ZEB2: variants seen among roughly 807,000 people sequenced by gnomAD.
ZEB2 encodes the protein zinc finger E-box binding homeobox 2.
ZEB2 carries 6 observed loss-of-function variants against 99.9 expected under a neutral mutation model. That is an observed-to-expected ratio of 0.06 (90% CI 0.03 to 0.12). The LOEUF is 0.12. Among genes scored for constraint, ZEB2 ranks in the 10% least tolerant of loss-of-function variants. The pLI is 1.00. For synonymous variants in ZEB2, 517 were observed against 542.5 expected (o/e 0.95, Z 0.65); for missense variants, 969 against 1,502.8 (o/e 0.64, Z 5.87).
At chr2:144,434,312 AATCC>A (rs1468362710) in intron 2 of ZEB2, among the ~76,000 whole-genome samples, 3 of 152,190 alleles carry the variant, frequency 2.0e-5, no homozygotes, top group Non-Finnish European at 2.9e-5. Context: ...CAATGTGGCA[AATCC>A]AGAAGATAGA....
intron 2 of ZEB2, chr2:144,503,605 G>C (rs1211144409): frequency 6.6e-6 from 1 of 152,028 alleles, no homozygotes; most frequent in Non-Finnish European, 1.5e-5. Flanking sequence ...GAAGAGACGG[G>C]GAAGGATGAC....
At chr2:144,477,579 C>A (rs541683324) in intron 2 of ZEB2, among the ~76,000 whole-genome samples, 6 of 152,350 alleles carry the variant, frequency 3.9e-5, no homozygotes, top group Non-Finnish European at 8.8e-5. Flanking sequence ...TTAACTCTTA[C>A]AAACCCTCTT....
chr2:144,413,487 C>T (rs1279909232), intron 4 of ZEB2, among the ~76,000 whole-genome samples: 1 of 152,208 alleles, frequency 6.6e-6, no homozygotes, highest in Non-Finnish European at 1.5e-5. Context: ...CATCCCCCGT[C>T]TCACCTGCCA....
chr2:144,519,777 C>A, intron 1 of ZEB2, 162 bp downstream of exon 1: 1 of 352,108 alleles, frequency 2.8e-6, no homozygotes, highest in South Asian at 2.2e-5. Context: ...GAAAAGCTTG[C>A]CATAAAGGAG....
intron 4 of ZEB2, among the ~76,000 whole-genome samples, chr2:144,408,979 GA>G (rs1703422739): frequency 6.6e-6 from 1 of 152,124 alleles, no homozygotes; most frequent in Non-Finnish European, 1.5e-5. Context: ...ATAAAATGTG[GA>G]ATGAAGGAAT....
intron 1 of ZEB2, among the ~76,000 whole-genome samples, chr2:144,519,036 T>G (rs1316115918): frequency 1.3e-5 from 2 of 152,316 alleles, no homozygotes; most frequent in East Asian, 3.9e-4. Context: ...CACATTCATG[T>G]TAGCCGGGCT....
rs1243678680 is a variant in ZEB2 at position 144,517,714 on chromosome 2, A to G, written c.-69-295T>C. ...TATGAGGGAATGCACACGGCGGTACAGTAAGACCGCTTGACTCAGGGCTAG... is the reference window on the plus strand; with the variant it reads ...TATGAGGGAATGCACACGGCGGTACGGTAAGACCGCTTGACTCAGGGCTAG... On this transcript the variant is annotated intron_variant, in intron 1 of 9. Transcript: ENST00000627532. 5 of 702,694 alleles carry G rather than the reference A, an allele frequency of 7.1e-6. No individual in the cohort carries two copies. In the Admixed American group the frequency reaches 1.0e-4, roughly 14 times the overall value. 43.5% of individuals were successfully genotyped at this position (702,694 alleles called of 1,614,324 possible). A position where few individuals can be genotyped will look rare whatever the true frequency, so the allele number is the denominator to read the frequency against.
intron 2 of ZEB2, chr2:144,512,915 A>C (rs1705065348): frequency 7.8e-7 from 1 of 1,287,258 alleles, no homozygotes; most frequent in Non-Finnish European, 1.0e-6. Context: ...CAGTGCTTTG[A>C]AAGTCAGCAA....
intron 2 of ZEB2, chr2:144,512,503 G>C: frequency 2.3e-6 from 3 of 1,287,156 alleles, no homozygotes; most frequent in Non-Finnish European, 3.0e-6. Context: ...AGAAGGAAGG[G>C]AAACACTGAA....
chr2:144,445,661 G>A lies in ZEB2; in HGVS notation c.74-15635C>T, dbSNP rs1235302999. On this transcript the variant is annotated intron_variant, in intron 2 of 9. Transcript: ENST00000627532. ...CCATTTCACAACCCCTAACTGAGAC[G>A]CAACAATACCACCCAACCACACACA... Among the ~76,000 whole-genome samples the A allele has an allele frequency of 2.7e-5, 4 of 150,580 alleles. No individual in the cohort carries two copies. In the South Asian group the frequency reaches 6.3e-4, roughly 24 times the overall value.
At chr2:144,517,883 C>A (rs1355060049) in intron 1 of ZEB2, 6 of 497,620 alleles carry the variant, frequency 1.2e-5, no homozygotes, top group Admixed American at 3.4e-5. Flanking sequence ...GCGAAACAGC[C>A]CCTGGATGAA....
chr2:144,495,503 A>G (rs139790220), intron 2 of ZEB2: 4 of 152,354 alleles, frequency 2.6e-5, no homozygotes, highest in East Asian at 3.9e-4. Context: ...GCATGTTTAC[A>G]TGTTCACATG....
At chr2:144,432,527 A>C (rs1292373507) in intron 2 of ZEB2, among the ~76,000 whole-genome samples, 1 of 152,158 alleles carries the variant, frequency 6.6e-6, no homozygotes, top group Non-Finnish European at 1.5e-5. Context: ...GACAATCAAA[A>C]TTAAATGCAC....
intron 4 of ZEB2, among the ~76,000 whole-genome samples, chr2:144,419,853 C>A (rs2149886855): frequency 6.6e-6 from 1 of 152,062 alleles, no homozygotes; most frequent in East Asian, 1.9e-4. Context: ...TCCAGGTTTG[C>A]ACTGTTTTAT....
rs956845111 is a variant in ZEB2, at chr2:144,387,877, G to A, written c.*1574C>T. The stretch of plus-strand genomic sequence containing the variant: ...TATGGAATTTTAAAAAACAGTTATT[G>A]GTACCAGTCAAAATTATTGCTAAAC... On this transcript the variant is annotated 3_prime_UTR_variant, in exon 10 of 10. Transcript: ENST00000627532. The A allele has an allele frequency of 7.9e-5, 12 of 152,046 alleles. No individual in the cohort carries two copies. The highest frequency in any genetic ancestry group is 1.3e-4 in the Non-Finnish European group (9 of 67,940). 9.4% of individuals were successfully genotyped at this position (152,046 alleles called of 1,614,324 possible).
intron 9 of ZEB2, 106 bp from the exon 10 acceptor site, chr2:144,390,134 T>C (rs948787389): frequency 2.5e-5 from 29 of 1,161,806 alleles, no homozygotes; most frequent in Non-Finnish European, 3.5e-5. Flanking sequence ...TGTGTACTTA[T>C]GCCTGAAAGA....
chr2:144,413,706 C>T (rs1703496429), intron 4 of ZEB2, among the ~76,000 whole-genome samples: 1 of 152,176 alleles, frequency 6.6e-6, no homozygotes, highest in Non-Finnish European at 1.5e-5. Flanking sequence ...ATGATTCCCT[C>T]CTTGTTAAGT....
At chr2:144,458,096 G>A (rs1704144766) in intron 2 of ZEB2, among the ~76,000 whole-genome samples, 1 of 151,708 alleles carries the variant, frequency 6.6e-6, no homozygotes, top group African/African-American at 2.4e-5. Flanking sequence ...TTTCTGGGCT[G>A]TTTTCATTGC....
intron 2 of ZEB2, among the ~76,000 whole-genome samples, chr2:144,441,693 C>T (rs1383533965): frequency 1.3e-5 from 2 of 152,010 alleles, no homozygotes; most frequent in Non-Finnish European, 2.9e-5. Flanking sequence ...TAAGTCCTTC[C>T]TAAGTGTTTT....
Sources: allele counts gnomAD v4.1 joint callset (sites outside exome capture counted in the v4.1 genomes callset), GRCh38; gene constraint gnomAD v4.1.1; transcripts MANE v1.5; gene names NCBI Gene and HGNC (gene_info 2026-07-23, HGNC 2026-07-21).